The following GALNT13 variants were observed in gnomAD, a reference collection of about 807,000 sequenced individuals.
GALNT13 encodes UDP-GalNAc:polypeptide N-acetylgalactosaminyltransferase 13.
In GALNT13, 28 loss-of-function variants were observed where a neutral mutation model predicts 64.2. That is an observed-to-expected ratio of 0.44 (90% CI 0.32 to 0.60). The LOEUF is 0.60. Among genes scored for constraint, GALNT13 ranks in the 20% least tolerant of loss-of-function variants. GALNT13 has a pLI of 0.05. For missense variants in GALNT13, 577 were observed against 669.8 expected (o/e 0.86, Z 1.53); for synonymous variants, 214 against 224.6 (o/e 0.95, Z 0.42).
the GALNT13 span, among the ~76,000 whole-genome samples, chr2:153,589,961 G>C: frequency 4.1e-4 from 63 of 152,164 alleles, no homozygotes; most frequent in African/African-American, 1.5e-3. Flanking sequence ...AAAAGAACTA[G>C]AAAAGCAAGA....
chr2:154,057,021 T>C, intron 3 of GALNT13, among the ~76,000 whole-genome samples: 1 of 152,002 alleles, frequency 6.6e-6, no homozygotes. Context: ...AAACTTTTTA[T>C]TTTTATTTTA....
intron 8 of GALNT13, among the ~76,000 whole-genome samples, chr2:154,263,287 A>C (rs1690802971): frequency 6.6e-6 from 1 of 152,212 alleles, no homozygotes; most frequent in South Asian, 2.1e-4. Context: ...TCTCTAAAAC[A>C]GAAAGATAAC....
At chr2:153,733,131 C>T in the GALNT13 span, among the ~76,000 whole-genome samples, 2 of 152,064 alleles carry the variant, frequency 1.3e-5, no homozygotes, top group Admixed American at 6.6e-5. Flanking sequence ...TACTTACCTT[C>T]GTATTTCTTG....
chr2:153,574,180 C>A, the GALNT13 span, among the ~76,000 whole-genome samples: 1 of 150,402 alleles, frequency 6.6e-6, no homozygotes, highest in Non-Finnish European at 1.5e-5. Flanking sequence ...GTCATTCTCT[C>A]CTGGCCTGTA....
At chr2:154,315,311 T>C (rs1694261601) in intron 9 of GALNT13, among the ~76,000 whole-genome samples, 1 of 152,218 alleles carries the variant, frequency 6.6e-6, no homozygotes, top group African/African-American at 2.4e-5. Context: ...ACTGGAATTA[T>C]GAGTTTGAGA....
chr2:153,309,935 C>CA, the GALNT13 span, among the ~76,000 whole-genome samples: 5 of 151,826 alleles, frequency 3.3e-5, no homozygotes, highest in East Asian at 1.9e-4. Flanking sequence ...TCTAGGCTAT[C>CA]AAAAAAAACT....
In GALNT13 at chr2:154,245,806, C is replaced by T; in HGVS notation, c.687-6C>T. ...TGTCTATAAATTGGTTTTAATTTCT[C>T]TGCAGGAAAACGGTTGTCTGCCCTA... On this transcript the variant is annotated splice_region_variant and splice_polypyrimidine_tract_variant and intron_variant, in intron 6 of 12. Transcript: ENST00000392825. 6.3e-7 allele frequency: 1 copy of T among 1,579,542 alleles called. No individual in the cohort carries two copies. The highest frequency in any genetic ancestry group is 8.7e-7 in the Non-Finnish European group (1 of 1,156,048).
At chr2:154,437,448 C>A in intron 11 of GALNT13, 1 of 889,456 alleles carries the variant, frequency 1.1e-6, no homozygotes, top group Non-Finnish European at 1.5e-6. Context: ...CCTGACATGA[C>A]CTTTCTCATT....
chr2:154,303,458 A>G (rs774230513), intron 9 of GALNT13, among the ~76,000 whole-genome samples: 13 of 152,098 alleles, frequency 8.5e-5, no homozygotes, highest in Non-Finnish European at 1.5e-4. Flanking sequence ...GGGAAGATGG[A>G]GTCGCTGTTT....
intron 9 of GALNT13, among the ~76,000 whole-genome samples, chr2:154,383,454 A>G (rs1005846377): frequency 1.3e-5 from 2 of 151,994 alleles, no homozygotes; most frequent in Non-Finnish European, 2.9e-5. Flanking sequence ...ACAATTGACT[A>G]TTCATAGTTA....
At chr2:153,090,833 G>A in the GALNT13 span, among the ~76,000 whole-genome samples, 1 of 152,102 alleles carries the variant, frequency 6.6e-6, no homozygotes, top group Admixed American at 6.6e-5. Context: ...TCAGGCCAAT[G>A]GTGTTAGTTC....
chr2:153,456,388 A>G, the GALNT13 span, among the ~76,000 whole-genome samples: 1 of 152,088 alleles, frequency 6.6e-6, no homozygotes, highest in African/African-American at 2.4e-5. Context: ...CCTAGATTTG[A>G]TCTATCCTCC....
the GALNT13 span, among the ~76,000 whole-genome samples, chr2:153,286,919 G>GA: frequency 4.1e-4 from 62 of 150,184 alleles, no homozygotes; most frequent in Admixed American, 3.0e-3. Flanking sequence ...AAGCTGCTAA[G>GA]AAAAAAAAAC....
At chr2:153,194,500 A>T in the GALNT13 span, among the ~76,000 whole-genome samples, 2 of 151,264 alleles carry the variant, frequency 1.3e-5, no homozygotes, top group South Asian at 4.2e-4. Flanking sequence ...ATTTTTTTGT[A>T]TTGTTACCTG....
chr2:154,310,865 G>A (rs528991707), intron 9 of GALNT13, among the ~76,000 whole-genome samples: 60 of 151,918 alleles, frequency 3.9e-4, no homozygotes, highest in African/African-American at 1.4e-3. Flanking sequence ...TTTTTTGAGA[G>A]TTAAATGAAA....
the GALNT13 span, among the ~76,000 whole-genome samples, chr2:153,820,306 A>G: frequency 1.3e-5 from 2 of 152,238 alleles, no homozygotes; most frequent in East Asian, 1.9e-4. Context: ...CTTGAAAAAC[A>G]TATCTGAGAG....
rs1703186942 is a variant in GALNT13, at chr2:154,114,676, TTC to T, written c.143-25657_143-25656del. 2.6e-5 allele frequency among the ~76,000 whole-genome samples: 4 copies of T among 152,194 alleles called. No homozygotes were observed. In the South Asian group the frequency reaches 6.2e-4, roughly 24 times the overall value. On this transcript the variant is annotated intron_variant, in intron 3 of 12. Coordinates refer to ENST00000392825, the MANE Select transcript of GALNT13 (RefSeq NM_052917.4). ...CTGGAAATTGATTGAGGGGCCATGT[TTC>T]TCTGTTTTTATAATCCAAATTGGTC...
chr2:154,117,960 C>A (rs1396792823), intron 3 of GALNT13, among the ~76,000 whole-genome samples: 1 of 152,158 alleles, frequency 6.6e-6, no homozygotes, highest in African/African-American at 2.4e-5. Flanking sequence ...ATGTTCCCTG[C>A]AGTCTTTAGA....
chr2:153,958,918 T>A (rs1692754941), intron 3 of GALNT13, among the ~76,000 whole-genome samples: 1 of 152,104 alleles, frequency 6.6e-6, no homozygotes, highest in East Asian at 1.9e-4. Flanking sequence ...AACAAAAATA[T>A]TTGGATGGCC....
Sources: allele counts gnomAD v4.1 joint callset (sites outside exome capture counted in the v4.1 genomes callset), GRCh38; gene constraint gnomAD v4.1.1; transcripts MANE v1.5; gene names NCBI Gene and HGNC (gene_info 2026-07-23, HGNC 2026-07-21).